The following PDZRN4 variants were observed in gnomAD, a reference collection of about 807,000 sequenced individuals.
The protein encoded by PDZRN4 is PDZ domain containing ring finger 4, also known as PDZ domain-containing RING finger protein 4.
A neutral mutation model predicts 99.0 loss-of-function variants in PDZRN4; 70 were observed. The observed-to-expected ratio is 0.71, with a 90% CI of 0.58 to 0.86. The LOEUF is 0.86. Ranked by LOEUF, PDZRN4 falls within the 40% of genes least tolerant of loss-of-function variation. The pLI is 0.00. For missense variants in PDZRN4, 1,474 were observed against 1,331.2 expected, an observed-to-expected ratio of 1.11 and a Z score of -1.67; for synonymous variants, 551 against 501.6, an observed-to-expected ratio of 1.10 and a Z score of -1.32.
At chr12:41,368,497 G>GTTATATTTA (rs1952018219) in intron 3 of PDZRN4, among the ~76,000 whole-genome samples, 3 of 151,962 alleles carry the variant, frequency 2.0e-5, no homozygotes, top group Admixed American at 2.0e-4. Context: ...AGATTTAAAG[G>GTTATATTTA]AATTATATAC....
chr12:41,280,300 C>G (rs938423834), intron 3 of PDZRN4, among the ~76,000 whole-genome samples: 1 of 152,176 alleles, frequency 6.6e-6, no homozygotes, highest in Non-Finnish European at 1.5e-5. Flanking sequence ...TTTGGGCAGA[C>G]ACTGAGCTAG....
intron 6 of PDZRN4, among the ~76,000 whole-genome samples, chr12:41,554,156 T>C (rs1399984336): frequency 6.6e-6 from 1 of 152,208 alleles, no homozygotes; most frequent in African/African-American, 2.4e-5. Context: ...GGTGAGGAAG[T>C]ATAAGGAAAC....
At chr12:41,224,871 G>A (rs1023066478) in intron 3 of PDZRN4, among the ~76,000 whole-genome samples, 2 of 152,162 alleles carry the variant, frequency 1.3e-5, no homozygotes, top group Non-Finnish European at 2.9e-5. Context: ...AATGCAGGCT[G>A]ATTAACTCCA....
chr12:41,274,465 A>G (rs1951336804), intron 3 of PDZRN4, among the ~76,000 whole-genome samples: 1 of 152,172 alleles, frequency 6.6e-6, no homozygotes, highest in South Asian at 2.1e-4. Flanking sequence ...AGTTTAAGCT[A>G]GAGAGAAGGA....
Position 41,188,877 on chromosome 12 carries a change from G to C in PDZRN4, c.422G>C (p.Arg141Pro), listed in dbSNP as rs1364924885. The change falls in exon 1 of 10, where the codon CGG (arginine) becomes CCG (proline). Residue 141 changes from arginine (R) to proline (P), a missense_variant. By Grantham distance (103) the Arg-to-Pro change is moderately radical. Coordinates refer to ENST00000402685, the MANE Select transcript of PDZRN4 (RefSeq NM_001164595.2). ...TGCGGTCCGACACCCAGGGCTGGCCGGGGCGGGGGCGCGCGCGGGGGGCCG... is the reference window on the plus strand; with the variant it reads ...TGCGGTCCGACACCCAGGGCTGGCCCGGGCGGGGGCGCGCGCGGGGGGCCG... Reference protein sequence around the residue: ...GGCGPTPRAGRGGGARGGPPG... With the variant: ...GGCGPTPRAGPGGGARGGPPG... The C allele has an allele frequency of 1.4e-5, 16 of 1,117,508 alleles. No homozygotes were observed. Among genetic ancestry groups the C allele is most frequent in the South Asian group, 1.3e-4 (3 of 23,350 alleles). The allele number at this position is 1,117,508 out of a possible 1,614,324, so 69.2% of individuals were successfully genotyped here. A position where few individuals can be genotyped will look rare whatever the true frequency, so the allele number is the denominator to read the frequency against.
chr12:41,524,552 C>T (rs927612144), intron 5 of PDZRN4, among the ~76,000 whole-genome samples: 1 of 151,970 alleles, frequency 6.6e-6, no homozygotes, highest in African/African-American at 2.4e-5. Flanking sequence ...AAAGAAGGAG[C>T]TCAATGTACT....
chr12:41,536,856 T>A (rs896447598), intron 5 of PDZRN4, among the ~76,000 whole-genome samples: 3 of 152,164 alleles, frequency 2.0e-5, no homozygotes, highest in African/African-American at 4.8e-5. Context: ...TATTTTGTCA[T>A]CTTGTTAGTA....
intron 3 of PDZRN4, among the ~76,000 whole-genome samples, chr12:41,274,199 CT>C (rs77687315): frequency 0.014 from 2,196 of 151,934 alleles, 22 homozygotes; most frequent in Middle Eastern, 0.034. Flanking sequence ...TGGTATTTTC[CT>C]TTTGAAAATG....
intron 6 of PDZRN4, among the ~76,000 whole-genome samples, chr12:41,553,874 G>A (rs529893236): frequency 1.1e-4 from 7 of 65,562 alleles, no homozygotes; most frequent in South Asian, 3.8e-4. Flanking sequence ...TCTTGAAAAC[G>A]TTACCTAAAT....
At chr12:41,460,015 TGGAGAGTA>T in intron 3 of PDZRN4, 1 of 1,288,496 alleles carries the variant, frequency 7.8e-7, no homozygotes, top group Non-Finnish European at 1.0e-6. Flanking sequence ...CCCAACCTGA[TGGAGAGTA>T]TGTGTGGGAT....
At chr12:41,432,017 C>T (rs1952589982) in intron 3 of PDZRN4, among the ~76,000 whole-genome samples, 1 of 152,210 alleles carries the variant, frequency 6.6e-6, no homozygotes, top group South Asian at 2.1e-4. Context: ...CAATATCTGA[C>T]ATCTTTACCT....
intron 3 of PDZRN4, among the ~76,000 whole-genome samples, chr12:41,351,874 G>T (rs1205447812): frequency 6.6e-6 from 1 of 151,934 alleles, no homozygotes; most frequent in Non-Finnish European, 1.5e-5. Flanking sequence ...ACTGGGCATG[G>T]TGATACTTGT....
intron 3 of PDZRN4, among the ~76,000 whole-genome samples, chr12:41,402,296 TATACACACAGTGTGTATATATATATAC>T (rs1565573130): frequency 0.13 from 36 of 270 alleles, 18 homozygotes; most frequent in African/African-American, 0.42. Context: ...TATATATATA[TATACACACAGTGTGTATATATATATAC>T]ACACACTGTG....
chr12:41,202,182 G>A (rs1372720402), intron 3 of PDZRN4, among the ~76,000 whole-genome samples: 1 of 152,076 alleles, frequency 6.6e-6, no homozygotes, highest in Non-Finnish European at 1.5e-5. Context: ...AGAGCACTGG[G>A]GATGGCACCG....
chr12:41,291,986 A>G (rs968359638), intron 3 of PDZRN4, among the ~76,000 whole-genome samples: 2 of 152,196 alleles, frequency 1.3e-5, no homozygotes, highest in Non-Finnish European at 2.9e-5. Flanking sequence ...CATTGGGAAA[A>G]CAGGCTAAAG....
intron 8 of PDZRN4, among the ~76,000 whole-genome samples, chr12:41,564,477 C>T (rs138369044): frequency 1.5e-3 from 226 of 152,222 alleles, no homozygotes; most frequent in Non-Finnish European, 2.5e-3. Context: ...TTAGTTATAT[C>T]GCCATTTGTC....
intron 3 of PDZRN4, among the ~76,000 whole-genome samples, chr12:41,258,385 T>G (rs938311069): frequency 6.6e-6 from 1 of 151,644 alleles, no homozygotes; most frequent in South Asian, 2.1e-4. Flanking sequence ...GTAGAAAGAG[T>G]GAGACAAAGA....
At chr12:41,474,897 T>C (rs1174789926) in intron 3 of PDZRN4, among the ~76,000 whole-genome samples, 1 of 152,182 alleles carries the variant, frequency 6.6e-6, no homozygotes, top group East Asian at 1.9e-4. Context: ...TAGCTAGAAT[T>C]AAAATAAAAC....
chr12:41,353,629 G>A (rs1951906812), intron 3 of PDZRN4, among the ~76,000 whole-genome samples: 1 of 152,016 alleles, frequency 6.6e-6, no homozygotes, highest in South Asian at 2.1e-4. Flanking sequence ...AGCAGCACTG[G>A]TGAGGAGGTG....
Sources: gnomAD v4.1 joint callset for allele counts (sites outside exome capture counted in the v4.1 genomes callset) on GRCh38, gnomAD v4.1.1 for gene constraint, MANE v1.5 for transcripts, NCBI Gene and HGNC (gene_info 2026-07-23, HGNC 2026-07-21) for gene names.